The following SPAG16 variants were observed in gnomAD, a reference collection of about 807,000 sequenced individuals.
SPAG16 encodes the protein sperm-associated antigen 16 protein.
In SPAG16, 86 loss-of-function variants were observed where a neutral mutation model predicts 80.4. That is an observed-to-expected ratio of 1.07 (90% CI 0.90 to 1.28). SPAG16 has a LOEUF of 1.28. SPAG16 is among the 50% of genes most tolerant of loss of function. The pLI is 0.00. For missense variants in SPAG16, 870 were observed against 765.3 expected, an observed-to-expected ratio of 1.14 and a Z score of -1.61; for synonymous variants, 294 against 265.9, an observed-to-expected ratio of 1.11 and a Z score of -1.03.
intron 10 of SPAG16, among the ~76,000 whole-genome samples, chr2:213,857,964 GA>G (rs1420513252): frequency 6.6e-6 from 1 of 152,176 alleles, no homozygotes; most frequent in Non-Finnish European, 1.5e-5. Context: ...AATAGCAAAA[GA>G]ACCATAATTA....
chr2:213,815,317 G>T (rs1438122279), intron 10 of SPAG16, among the ~76,000 whole-genome samples: 3 of 152,176 alleles, frequency 2.0e-5, no homozygotes, highest in African/African-American at 7.2e-5. Context: ...AGCCAGATTT[G>T]CAGGGAAGGT....
chr2:213,292,673 AAACAAAAAAAACAAAAAAAAAC>A (rs1461496153), intron 1 of SPAG16, among the ~76,000 whole-genome samples: 7 of 130,480 alleles, frequency 5.4e-5, no homozygotes, highest in African/African-American at 2.0e-4. Flanking sequence ...CAAAAAAAAA[AAACAAAAAAAACAAAAAAAAAC>A]AAAACTATCA....
chr2:213,672,816 A>T (rs1327676835), intron 10 of SPAG16, among the ~76,000 whole-genome samples: 2 of 150,120 alleles, frequency 1.3e-5, no homozygotes, highest in African/African-American at 2.4e-5. Flanking sequence ...ACTAATTTTC[A>T]TCAATGATCA....
At chr2:213,888,564 C>T (rs2076659435) in intron 11 of SPAG16, among the ~76,000 whole-genome samples, 1 of 151,424 alleles carries the variant, frequency 6.6e-6, no homozygotes, top group African/African-American at 2.4e-5. Context: ...ATTAATAGGA[C>T]AATGTAAGTA....
chr2:214,064,098 A>G (rs1017543046), intron 13 of SPAG16, among the ~76,000 whole-genome samples: 6 of 152,206 alleles, frequency 3.9e-5, no homozygotes, highest in Admixed American at 2.0e-4. Flanking sequence ...GACATATTGA[A>G]TAATTGTGGA....
intron 10 of SPAG16, among the ~76,000 whole-genome samples, chr2:213,844,638 T>C (rs575032338): frequency 2.0e-5 from 3 of 152,318 alleles, no homozygotes; most frequent in South Asian, 2.1e-4. Context: ...CTTGGACTTA[T>C]AATAGTCAAT....
intron 10 of SPAG16, among the ~76,000 whole-genome samples, chr2:213,527,044 C>T (rs764413739): frequency 6.6e-5 from 10 of 152,194 alleles, no homozygotes; most frequent in Non-Finnish European, 1.5e-4. Flanking sequence ...ACCTCTGATT[C>T]TCACCCTTCC....
At chr2:213,706,818 C>G (rs1221599934) in intron 10 of SPAG16, among the ~76,000 whole-genome samples, 3 of 152,090 alleles carry the variant, frequency 2.0e-5, no homozygotes, top group Non-Finnish European at 4.4e-5. Flanking sequence ...TGAGATTATA[C>G]TCACTGTCTG....
At chr2:213,869,123 G>A (rs1240183860) in intron 11 of SPAG16, among the ~76,000 whole-genome samples, 1 of 150,776 alleles carries the variant, frequency 6.6e-6, no homozygotes, top group Non-Finnish European at 1.5e-5. Context: ...TGTAGTGACA[G>A]GCACCTGTAA....
At chr2:213,885,796 C>A (rs1285997035) in intron 11 of SPAG16, among the ~76,000 whole-genome samples, 1 of 152,110 alleles carries the variant, frequency 6.6e-6, no homozygotes, top group Non-Finnish European at 1.5e-5. Flanking sequence ...CTTACAGTAT[C>A]CATAGTTACA....
At chr2:213,615,217 C>T (rs2061552939) in intron 10 of SPAG16, among the ~76,000 whole-genome samples, 1 of 152,192 alleles carries the variant, frequency 6.6e-6, no homozygotes, top group Non-Finnish European at 1.5e-5. Context: ...TAAAAACCCA[C>T]CTACAGGAGT....
intron 10 of SPAG16, among the ~76,000 whole-genome samples, chr2:213,812,542 G>A (rs1167020831): frequency 6.6e-6 from 1 of 152,208 alleles, no homozygotes; most frequent in Non-Finnish European, 1.5e-5. Flanking sequence ...GGTAGCAGAT[G>A]TATGTTTATT....
chr2:213,327,254 A>G (rs182546195), intron 5 of SPAG16, among the ~76,000 whole-genome samples: 56 of 152,116 alleles, frequency 3.7e-4, no homozygotes, highest in Middle Eastern at 3.4e-3. Flanking sequence ...GAATATTTTA[A>G]ACTTTATTCT....
chr2:214,313,770 A>G (rs1695492754), intron 15 of SPAG16, among the ~76,000 whole-genome samples: 1 of 152,108 alleles, frequency 6.6e-6, no homozygotes, highest in Admixed American at 6.5e-5. Context: ...AGATCTAAAT[A>G]CCACATTCAG....
intron 15 of SPAG16, among the ~76,000 whole-genome samples, chr2:214,381,222 T>C (rs1275142639): frequency 6.6e-6 from 1 of 152,214 alleles, no homozygotes; most frequent in Non-Finnish European, 1.5e-5. Context: ...TAAACATTTT[T>C]AAATGCTTAG....
chr2:213,344,805 G>A (rs1664829833), intron 6 of SPAG16, among the ~76,000 whole-genome samples: 1 of 152,154 alleles, frequency 6.6e-6, no homozygotes, highest in South Asian at 2.1e-4. Context: ...TTGGTTCCAA[G>A]TCTTTGCTAT....
intron 15 of SPAG16, among the ~76,000 whole-genome samples, chr2:214,234,462 A>G (rs1251632981): frequency 1.3e-5 from 2 of 152,184 alleles, no homozygotes; most frequent in African/African-American, 4.8e-5. Context: ...AGGAATTACC[A>G]CAATGTCTTC....
At chr2:213,556,524 G>C (rs557899555) in intron 10 of SPAG16, among the ~76,000 whole-genome samples, 66 of 152,064 alleles carry the variant, frequency 4.3e-4, no homozygotes, top group African/African-American at 1.5e-3. Flanking sequence ...ATATGATAAA[G>C]GAATAACTTC....
intron 10 of SPAG16, among the ~76,000 whole-genome samples, chr2:213,769,855 A>T (rs1354944214): frequency 6.6e-6 from 1 of 151,968 alleles, no homozygotes; most frequent in Non-Finnish European, 1.5e-5. Context: ...TACCCATCAA[A>T]CCCCTATCAA....
Sources: allele counts gnomAD v4.1 joint callset (sites outside exome capture counted in the v4.1 genomes callset), GRCh38; gene constraint gnomAD v4.1.1; transcripts MANE v1.5; gene names NCBI Gene and HGNC (gene_info 2026-07-23, HGNC 2026-07-21).